Variants in MKLN1 observed in about 807,000 individuals in gnomAD.
The protein encoded by MKLN1 is muskelin 1.
In MKLN1, 18 loss-of-function variants were observed where a neutral mutation model predicts 99.0. The ratio of observed to expected loss-of-function variants is 0.18; its 90% CI spans 0.13 to 0.27. The LOEUF (loss-of-function observed/expected upper bound fraction) is 0.27. Among genes scored for constraint, MKLN1 ranks in the 10% least tolerant of loss-of-function variants. The pLI is 1.00. For missense variants in MKLN1, 621 were observed against 875.9 expected, an observed-to-expected ratio of 0.71 and a Z score of 3.67; for synonymous variants, 288 against 293.2, an observed-to-expected ratio of 0.98 and a Z score of 0.18.
intron 1 of MKLN1, among the ~76,000 whole-genome samples, chr7:131,363,777 C>T (rs1800097808): frequency 6.6e-6 from 1 of 150,442 alleles, no homozygotes; most frequent in African/African-American, 2.4e-5. Flanking sequence ...AAAAACTGTC[C>T]TGCCGTGTCA....
intron 1 of MKLN1, among the ~76,000 whole-genome samples, chr7:131,335,157 C>T (rs926284784): frequency 6.6e-6 from 1 of 152,092 alleles, no homozygotes; most frequent in African/African-American, 2.4e-5. Flanking sequence ...TATTTTTTAA[C>T]ATCTTTGCAC....
chr7:131,410,266 C>G (rs572817318), intron 6 of MKLN1, among the ~76,000 whole-genome samples: 1 of 152,070 alleles, frequency 6.6e-6, no homozygotes, highest in Non-Finnish European at 1.5e-5. Context: ...ACTTTAGTAC[C>G]AGCCCCACCA....
chr7:131,257,962 C>T (rs898825929), intron 3 of MKLN1, among the ~76,000 whole-genome samples: 3 of 151,852 alleles, frequency 2.0e-5, no homozygotes, highest in African/African-American at 7.2e-5. Context: ...TCTACAAAAA[C>T]ATTTTAAAAT....
In MKLN1 at chr7:131,429,000, T is replaced by TA. The variant is rs138476144; in HGVS notation, c.848-33_848-32insA. ...GGGTGCTTATGCTTATTTTGTCCTTTTTTTTTTACACATATTTTTCTGATT... is the reference window on the plus strand; with the variant it reads ...GGGTGCTTATGCTTATTTTGTCCTTTATTTTTTTACACATATTTTTCTGATT... On this transcript the variant is annotated intron_variant, in intron 8 of 17. Coordinates refer to ENST00000352689, the MANE Select transcript of MKLN1 (RefSeq NM_013255.5). 4,972 of 1,578,560 alleles carry TA rather than the reference T, an allele frequency of 3.1e-3. 160 individuals carry two copies. The African/African-American group carries it at 0.058, about 18-fold the overall frequency.
intron 3 of MKLN1, among the ~76,000 whole-genome samples, chr7:131,236,722 T>C (rs1056228765): frequency 1.3e-5 from 2 of 152,034 alleles, no homozygotes; most frequent in African/African-American, 4.8e-5. Flanking sequence ...CAGTGGCTCA[T>C]ACTTGTAATT....
chr7:131,227,489 T>TTCTC (rs1563259290), intron 3 of MKLN1, among the ~76,000 whole-genome samples: 5 of 130,912 alleles, frequency 3.8e-5, no homozygotes, highest in African/African-American at 8.7e-5. Context: ...CTTTCTCTCT[T>TTCTC]TCTTTCTCTT....
chr7:131,180,132 A>G (rs1796358273), intron 2 of MKLN1, among the ~76,000 whole-genome samples: 1 of 152,246 alleles, frequency 6.6e-6, no homozygotes. Flanking sequence ...TGAAGAACTT[A>G]CATATGAAAT....
At chr7:131,173,237 G>A (rs1018523551) in intron 2 of MKLN1, among the ~76,000 whole-genome samples, 1 of 151,816 alleles carries the variant, frequency 6.6e-6, no homozygotes, top group African/African-American at 2.4e-5. Context: ...TGACGTACAA[G>A]CCCATCTTGA....
intron 2 of MKLN1, among the ~76,000 whole-genome samples, chr7:131,174,806 A>C (rs1450661459): frequency 6.6e-6 from 1 of 152,186 alleles, no homozygotes; most frequent in African/African-American, 2.4e-5. Context: ...AAGTTGAATT[A>C]AAAAAATTCA....
chr7:131,244,712 C>T (rs1266379916), intron 3 of MKLN1, among the ~76,000 whole-genome samples: 1 of 152,140 alleles, frequency 6.6e-6, no homozygotes, highest in Non-Finnish European at 1.5e-5. Flanking sequence ...ATGCAGTTGC[C>T]TCAAAAGGAC....
intron 3 of MKLN1, among the ~76,000 whole-genome samples, chr7:131,297,104 G>A (rs180847869): frequency 6.8e-4 from 103 of 152,048 alleles, no homozygotes; most frequent in Non-Finnish European, 1.2e-3. Flanking sequence ...TGTAATCCCA[G>A]CACTTTGGGA....
chr7:131,384,470 C>T (rs1467191224), intron 2 of MKLN1, among the ~76,000 whole-genome samples: 5 of 152,012 alleles, frequency 3.3e-5, no homozygotes, highest in African/African-American at 9.7e-5. Context: ...AATCAAGAGC[C>T]ACCAGATACT....
At chr7:131,475,489 C>T (rs916733141) in intron 16 of MKLN1, among the ~76,000 whole-genome samples, 1 of 152,170 alleles carries the variant, frequency 6.6e-6, no homozygotes, top group African/African-American at 2.4e-5. Context: ...CTTCTTAAAT[C>T]CTTTTATAAG....
At chr7:131,429,819 A>G (rs950766265) in intron 9 of MKLN1, among the ~76,000 whole-genome samples, 1 of 152,166 alleles carries the variant, frequency 6.6e-6, no homozygotes, top group Non-Finnish European at 1.5e-5. Flanking sequence ...TGACCTCGTG[A>G]TCCACCCGCC....
At chr7:131,135,112 C>A (rs1795628262) in intron 1 of MKLN1, among the ~76,000 whole-genome samples, 2 of 152,128 alleles carry the variant, frequency 1.3e-5, no homozygotes, top group African/African-American at 4.8e-5. Flanking sequence ...AAAGAATCCA[C>A]TTCCTGTTTC....
At chr7:131,376,139 T>TATATATA (rs1563318314) in intron 2 of MKLN1, among the ~76,000 whole-genome samples, 32 of 8,312 alleles carry the variant, frequency 3.8e-3, no homozygotes, top group African/African-American at 0.01. Context: ...TATATATGTA[T>TATATATA]GATGTATGTA....
At chr7:131,281,810 G>T (rs1436581986) in intron 3 of MKLN1, among the ~76,000 whole-genome samples, 1 of 151,780 alleles carries the variant, frequency 6.6e-6, no homozygotes, top group East Asian at 1.9e-4. Context: ...TCTTGTGAGT[G>T]GCTAGGACTA....
intron 1 of MKLN1, among the ~76,000 whole-genome samples, chr7:131,329,251 A>C (rs1798994434): frequency 6.6e-6 from 1 of 152,242 alleles, no homozygotes; most frequent in Admixed American, 6.5e-5. Flanking sequence ...CATGACTGCC[A>C]GCCTCCCATT....
chr7:131,468,000 G>A (rs890091880), intron 15 of MKLN1, among the ~76,000 whole-genome samples: 1 of 152,188 alleles, frequency 6.6e-6, no homozygotes, highest in Admixed American at 6.5e-5. Flanking sequence ...ATGGGAGAAG[G>A]AGCTTGCTCA....
Sources: gnomAD v4.1 joint callset for allele counts (sites outside exome capture counted in the v4.1 genomes callset) on GRCh38, gnomAD v4.1.1 for gene constraint, MANE v1.5 for transcripts, NCBI Gene and HGNC (gene_info 2026-07-23, HGNC 2026-07-21) for gene names.